FOXK1: variants seen among roughly 807,000 people sequenced by gnomAD.
The protein encoded by FOXK1 is forkhead box protein K1.
Under a neutral mutation model 51.9 loss-of-function variants are expected in FOXK1, and 19 were observed. The observed-to-expected ratio is 0.37, with a 90% CI of 0.26 to 0.54. FOXK1 has a LOEUF of 0.54. Among genes scored for constraint, FOXK1 ranks in the 20% least tolerant of loss-of-function variants. The pLI is 0.87. For synonymous variants in FOXK1, 537 were observed against 482.6 expected, an observed-to-expected ratio of 1.11 and a Z score of -1.48; for missense variants, 870 against 1,032.7, an observed-to-expected ratio of 0.84 and a Z score of 2.16.
Position 4,758,706 on chromosome 7 carries a change from C to G in FOXK1, c.1245-345C>G, listed in dbSNP as rs768932995. 23 of 278,478 alleles carry G rather than the reference C, an allele frequency of 8.3e-5. No individual in the cohort carries two copies. Among genetic ancestry groups the G allele is most frequent in the Middle Eastern group, 1.1e-3 (1 of 918 alleles). 17.3% of individuals were successfully genotyped at this position (278,478 alleles called of 1,614,324 possible). Reference sequence around the variant, plus strand: ...TGGTGGAACGGTTGCGCCCACCAAACAGAAGCTTATGTTTTTGGCACAGAA... The same window carrying G: ...TGGTGGAACGGTTGCGCCCACCAAAGAGAAGCTTATGTTTTTGGCACAGAA... On this transcript the variant is annotated intron_variant, in intron 5 of 8. Transcript: ENST00000328914. The surrounding 1 kb of genome is among the most constrained non-coding windows in gnomAD (Gnocchi z 4.4).
Position 4,707,401 on chromosome 7 carries a change from T to C in FOXK1, c.560+24533T>C, listed in dbSNP as rs549003764. 6.6e-6 allele frequency among the ~76,000 whole-genome samples: 1 copy of C among 152,364 alleles called. No individual in the cohort carries two copies. The highest frequency in any genetic ancestry group is 2.1e-4 in the South Asian group (1 of 4,830). On this transcript the variant is annotated intron_variant, in intron 1 of 8. Coordinates refer to ENST00000328914, the MANE Select transcript of FOXK1 (RefSeq NM_001037165.2). The surrounding 1 kb of genome is among the most constrained non-coding windows in gnomAD (Gnocchi z 4.1). ...TAAGCTAGTTTAGTACATCCGGCAA[T>C]GCTGCTGAAAGCAGGCCTCTCCCTG...
intron 1 of FOXK1, among the ~76,000 whole-genome samples, chr7:4,699,800 T>TGTCTA (rs1779999090): frequency 6.6e-6 from 1 of 152,246 alleles, no homozygotes; most frequent in Non-Finnish European, 1.5e-5. Flanking sequence ...ATTAATTTTC[T>TGTCTA]GTCTAGTCAC....
chr7:4,705,550 T>TCTCTCTCTCTCTCTCTCTCG (rs1562372666), intron 1 of FOXK1, among the ~76,000 whole-genome samples: 1 of 149,262 alleles, frequency 6.7e-6, no homozygotes, highest in Non-Finnish European at 1.5e-5. Context: ...TCTCTCTCTC[T>TCTCTCTCTCTCTCTCTCTCG]CTCTCTCTCG....
rs183941670 is a variant in FOXK1, at chr7:4,747,948, C to T, written c.747-6511C>T. Among the ~76,000 whole-genome samples, 273 of 152,276 alleles carry T rather than the reference C, an allele frequency of 1.8e-3. 7 individuals are homozygous for T. Among genetic ancestry groups the T allele is most frequent in the Admixed American group, 0.017 (265 of 15,296 alleles). ...GCAGCCTCGACCTCCGGGACTCAAG[C>T]GATCCTCCCACCTCAGCCGTGACTA... On this transcript the variant is annotated intron_variant, in intron 2 of 8. Coordinates refer to ENST00000328914, the MANE Select transcript of FOXK1 (RefSeq NM_001037165.2). This position sits in a 1 kb window ranked among gnomAD's most constrained non-coding sequence, Gnocchi z 9.2.
At chr7:4,697,671 G>A (rs1038737977) in intron 1 of FOXK1, among the ~76,000 whole-genome samples, 3 of 151,192 alleles carry the variant, frequency 2.0e-5, no homozygotes, top group African/African-American at 7.3e-5. Context: ...CCTGGGTTTT[G>A]GGAATATGAA....
intron 7 of FOXK1, chr7:4,759,841 G>C: frequency 1.7e-6 from 1 of 576,850 alleles, no homozygotes; most frequent in Non-Finnish European, 3.0e-6. Flanking sequence ...GGTCAGCCTG[G>C]CCAACATACT....
intron 1 of FOXK1, among the ~76,000 whole-genome samples, chr7:4,691,392 T>G (rs2115029705): frequency 6.6e-6 from 1 of 152,326 alleles, no homozygotes. Context: ...TGGAGTGCAG[T>G]GGTGCAATCT....
rs948052515 is a variant in FOXK1, at chr7:4,768,283, C to A, written c.*5819C>A. 4 of 146,894 alleles carry A rather than the reference C, an allele frequency of 2.7e-5. 1 individual carries two copies. The highest frequency in any genetic ancestry group is 8.1e-5 in the African/African-American group (3 of 37,098). 9.1% of individuals were successfully genotyped at this position (146,894 alleles called of 1,614,324 possible). On this transcript the variant is annotated 3_prime_UTR_variant, in exon 9 of 9. Transcript: ENST00000328914. ...GAGTAGCTGGGACTACAGGCGCCCGCTACCACGCCCGGCTAATTTTTTGTA... is the reference window on the plus strand; with the variant it reads ...GAGTAGCTGGGACTACAGGCGCCCGATACCACGCCCGGCTAATTTTTTGTA...
intron 1 of FOXK1, among the ~76,000 whole-genome samples, chr7:4,687,435 G>GTA (rs1779835430): frequency 6.6e-6 from 1 of 151,880 alleles, no homozygotes; most frequent in South Asian, 2.1e-4. Flanking sequence ...TGGGATTACA[G>GTA]GCGCACGTCA....
At chr7:4,697,397 C>G (rs1468445327) in intron 1 of FOXK1, among the ~76,000 whole-genome samples, 2 of 152,248 alleles carry the variant, frequency 1.3e-5, no homozygotes, top group Non-Finnish European at 2.9e-5. Context: ...GGGCCAGACC[C>G]TGCCAGCTGC....
At chr7:4,717,279 G>A (rs1186544054) in intron 1 of FOXK1, among the ~76,000 whole-genome samples, 1 of 149,794 alleles carries the variant, frequency 6.7e-6, no homozygotes, top group African/African-American at 2.5e-5. Flanking sequence ...ATGGCTGGAA[G>A]GTGGTAGCAG....
Position 4,745,396 on chromosome 7 carries a change from C to T in FOXK1, c.746+4373C>T, listed in dbSNP as rs1402518057. On this transcript the variant is annotated intron_variant, in intron 2 of 8. Transcript: ENST00000328914. The surrounding 1 kb of genome is among the most constrained non-coding windows in gnomAD (Gnocchi z 4.3). Reference sequence around the variant, plus strand: ...TGCCCCCGCCCCCCGCGCCACCCTGCGTCCTTCCTTTCCGTTTCTCGCAGG... The same window carrying T: ...TGCCCCCGCCCCCCGCGCCACCCTGTGTCCTTCCTTTCCGTTTCTCGCAGG... Among the ~76,000 whole-genome samples, 2 of 149,112 alleles carry T rather than the reference C, an allele frequency of 1.3e-5. No individual in the cohort carries two copies. Among genetic ancestry groups the T allele is most frequent in the African/African-American group, 4.9e-5 (2 of 40,880 alleles).
chr7:4,735,500 TCTCCGTCCCCC>T lies in FOXK1; in HGVS notation c.561-5335_561-5325del, dbSNP rs1206191918. ...AAAGAACCCCCTAGCTCTTAGTCAT[TCTCCGTCCCCC>T]CTGCCTGTCCCACCCGTCACTCCAG... On this transcript the variant is annotated intron_variant, in intron 1 of 8. Coordinates refer to ENST00000328914, the MANE Select transcript of FOXK1 (RefSeq NM_001037165.2). This position sits in a 1 kb window ranked among gnomAD's most constrained non-coding sequence, Gnocchi z 4.7. Among the ~76,000 whole-genome samples the T allele has an allele frequency of 6.6e-6, 1 of 152,130 alleles. No homozygotes were observed. The highest frequency in any genetic ancestry group is 2.4e-5 in the African/African-American group (1 of 41,410).
chr7:4,697,596 G>A (rs960972319), intron 1 of FOXK1, among the ~76,000 whole-genome samples: 9 of 152,094 alleles, frequency 5.9e-5, no homozygotes, highest in African/African-American at 1.9e-4. Flanking sequence ...ACATCAGTGC[G>A]TTTACCTGGG....
At position 4,757,020 on chromosome 7, in the gene FOXK1, G is replaced by A. The variant is rs1274268514; in HGVS notation, c.1077G>A (p.Leu359=). The A allele has an allele frequency of 2.5e-6, 4 of 1,613,788 alleles. No homozygotes were observed. The South Asian group carries it at 4.4e-5, about 18-fold the overall frequency. ...ATTCTATCCGGCACAACCTCTCTTT[G>A]AACCGTTACTTTATCAAAGTCCCAC... ...WQNSIRHNLS[L]NRYFIKVPRS... Residue 359 remains leucine, a synonymous_variant, in exon 5 of 9, where the codon TTG becomes TTA. Coordinates refer to ENST00000328914, the MANE Select transcript of FOXK1 (RefSeq NM_001037165.2).
chr7:4,761,890 A>C lies in FOXK1; in HGVS notation c.1922-294A>C, dbSNP rs965646137. On this transcript the variant is annotated intron_variant, in intron 8 of 8. Coordinates refer to ENST00000328914, the MANE Select transcript of FOXK1 (RefSeq NM_001037165.2). The surrounding 1 kb of genome is among the most constrained non-coding windows in gnomAD (Gnocchi z 6.2). ...GGGCGCATTGTCAGTGGGGTGGCTC[A>C]GGGCAGTGCATCTGTGTAAAGGAGT... 6.6e-6 allele frequency among the ~76,000 whole-genome samples: 1 copy of C among 152,076 alleles called. No homozygotes were observed. Among genetic ancestry groups the C allele is most frequent in the East Asian group, 1.9e-4 (1 of 5,148 alleles).
chr7:4,687,231 C>T (rs578124338), intron 1 of FOXK1, among the ~76,000 whole-genome samples: 106 of 151,756 alleles, frequency 7.0e-4, no homozygotes, highest in African/African-American at 2.5e-3. Flanking sequence ...CACGCCCGGC[C>T]TTTTTTTTCC....
At chr7:4,700,460 C>T (rs1369130410) in intron 1 of FOXK1, among the ~76,000 whole-genome samples, 1 of 152,200 alleles carries the variant, frequency 6.6e-6, no homozygotes, top group Non-Finnish European at 1.5e-5. Context: ...AAAGTGGGCA[C>T]ACTTCCTTTT....
chr7:4,755,045 C>G lies in FOXK1; in HGVS notation c.904-192C>G, dbSNP rs748642655. ...TATAATAAAACCGAAGTTTTCCTTC[C>G]CATGAGGCAAAAATGGTTGTTCCTA... On this transcript the variant is annotated intron_variant, in intron 3 of 8. Coordinates refer to ENST00000328914, the MANE Select transcript of FOXK1 (RefSeq NM_001037165.2). This position sits in a 1 kb window ranked among gnomAD's most constrained non-coding sequence, Gnocchi z 6.6. 61 of 649,620 alleles carry G rather than the reference C, an allele frequency of 9.4e-5. No individual in the cohort carries two copies. The highest frequency in any genetic ancestry group is 4.3e-4 in the Middle Eastern group (1 of 2,348). 40.2% of individuals were successfully genotyped at this position (649,620 alleles called of 1,614,324 possible).
Sources: allele counts gnomAD v4.1 joint callset (sites outside exome capture counted in the v4.1 genomes callset), GRCh38; gene constraint gnomAD v4.1.1; non-coding constraint Gnocchi (gnomAD v3.1); transcripts MANE v1.5; gene names NCBI Gene and HGNC (gene_info 2026-07-23, HGNC 2026-07-21).